NR4A1: variants seen among roughly 807,000 people sequenced by gnomAD.
NR4A1 encodes nuclear receptor subfamily 4 group A member 1, also known as nuclear receptor subfamily 4immunitygroup A member 1.
NR4A1 carries 24 observed loss-of-function variants against 47.5 expected under a neutral mutation model. That is an observed-to-expected ratio of 0.50 (90% CI 0.37 to 0.71). The LOEUF (loss-of-function observed/expected upper bound fraction) is 0.71, where lower values mean the gene tolerates loss of function less well. Ranked by LOEUF, NR4A1 falls within the 30% of genes least tolerant of loss-of-function variation. NR4A1 has a pLI of 0.00. For synonymous variants in NR4A1, 353 were observed against 345.7 expected, an observed-to-expected ratio of 1.02 and a Z score of -0.24; for missense variants, 669 against 788.6, an observed-to-expected ratio of 0.85 and a Z score of 1.82.
At chr12:52,044,787 G>A (rs542961801) in intron 2 of NR4A1, among the ~76,000 whole-genome samples, 15 of 152,284 alleles carry the variant, frequency 9.9e-5, no homozygotes, top group African/African-American at 2.6e-4. Context: ...CCTCCAAGGC[G>A]AGAGGAGAAG....
At chr12:52,051,880 G>T (rs1412131590) in intron 1 of NR4A1, among the ~76,000 whole-genome samples, 2 of 152,132 alleles carry the variant, frequency 1.3e-5, no homozygotes, top group East Asian at 3.9e-4. Context: ...GGCGCACGGT[G>T]CTCTGAACTT....
upstream of NR4A1, among the ~76,000 whole-genome samples, chr12:52,050,476 T>A (rs1592298012): frequency 6.6e-6 from 1 of 152,338 alleles, no homozygotes; most frequent in East Asian, 1.9e-4. Context: ...TGTTTGTTTA[T>A]AAAATGAGGA....
At chr12:52,037,066 G>A (rs1288541829) in intron 1 of NR4A1, 1 of 151,548 alleles carries the variant, frequency 6.6e-6, no homozygotes, top group Non-Finnish European at 1.5e-5. Flanking sequence ...TGATGAGGCT[G>A]CGTCGGCCGC....
intron 1 of NR4A1, among the ~76,000 whole-genome samples, chr12:52,039,228 G>C (rs1938350433): frequency 6.6e-6 from 1 of 152,202 alleles, no homozygotes; most frequent in African/African-American, 2.4e-5. Flanking sequence ...ACAAATATTA[G>C]CTGCTGTTGT....
In NR4A1 at chr12:52,041,930, G is replaced by T; in HGVS notation, c.37+1G>T. The T allele has an allele frequency of 6.9e-7, 1 of 1,441,100 alleles. No individual in the cohort carries two copies. The highest frequency in any genetic ancestry group is 9.1e-7 in the Non-Finnish European group (1 of 1,096,848). The allele number at this position is 1,441,100 out of a possible 1,614,324, so 89.3% of individuals were successfully genotyped here. On this transcript the variant is annotated splice_donor_variant, in intron 2 of 7. Transcript: ENST00000360284. LOFTEE classifies it high-confidence loss of function. The stretch of plus-strand genomic sequence containing the variant: ...AAGGCCTGTTGGTCCATCCAGAGTG[G>T]TAAGTGCTCTGCTATTGTCCTTTGT...
At chr12:52,043,562 C>T (rs1020701929) in intron 2 of NR4A1, 10 of 533,236 alleles carry the variant, frequency 1.9e-5, no homozygotes, top group South Asian at 1.0e-4. Context: ...GGGTCACGCT[C>T]ATGCTGGGGC....
At chr12:52,040,634 T>TA (rs1938398842) in intron 1 of NR4A1, among the ~76,000 whole-genome samples, 1 of 152,160 alleles carries the variant, frequency 6.6e-6, no homozygotes. Context: ...CTTCCCATCA[T>TA]ACCCACAGGA....
Position 52,059,024 on chromosome 12 carries a change from A to ACC in NR4A1, c.*84_*85dup. 1 of 1,497,182 alleles carries ACC rather than the reference A, an allele frequency of 6.7e-7. No homozygotes were observed. The highest frequency in any genetic ancestry group is 2.4e-5 in the East Asian group (1 of 42,382). The allele number at this position is 1,497,182 out of a possible 1,614,324, so 92.7% of individuals were successfully genotyped here. ...CCTTTAGTCCACGGACCCCCAGAGCACCCCCAAGCCTGGGCTTGAGCTGCA... is the reference window on the plus strand; with the variant it reads ...CCTTTAGTCCACGGACCCCCAGAGCACCCCCCCAAGCCTGGGCTTGAGCTGCA... On this transcript the variant is annotated 3_prime_UTR_variant, in exon 7 of 7. Transcript: ENST00000394825.
At chr12:52,051,600 T>A (rs887264641) in intron 1 of NR4A1, 32 bp downstream of exon 1, 61 of 985,322 alleles carry the variant, frequency 6.2e-5, no homozygotes, top group Non-Finnish European at 7.2e-5. Context: ...TGCATCTGTT[T>A]TTAGGAGCGG....
At chr12:52,040,557 G>C (rs746382551) in intron 1 of NR4A1, among the ~76,000 whole-genome samples, 1 of 152,162 alleles carries the variant, frequency 6.6e-6, no homozygotes, top group Non-Finnish European at 1.5e-5. Flanking sequence ...TCTGTTTGGG[G>C]TTAAAGGTGC....
intron 1 of NR4A1, among the ~76,000 whole-genome samples, chr12:52,040,535 C>T (rs1284097974): frequency 6.6e-6 from 1 of 152,074 alleles, no homozygotes; most frequent in Admixed American, 6.5e-5. Context: ...GGTTGGAAAC[C>T]TTGTCTTGCT....
intron 2 of NR4A1, 198 bp downstream of exon 2, chr12:52,055,402 C>T: frequency 1.5e-6 from 1 of 673,802 alleles, no homozygotes; most frequent in Non-Finnish European, 2.5e-6. Flanking sequence ...TGCCGGGACA[C>T]TCGGGCCCAT....
At chr12:52,027,802 C>T (rs1938029150) in intron 1 of NR4A1, among the ~76,000 whole-genome samples, 1 of 152,178 alleles carries the variant, frequency 6.6e-6, no homozygotes, top group African/African-American at 2.4e-5. Context: ...GCCACACACC[C>T]CTCCAGGGAC....
chr12:52,054,987 A>G lies in NR4A1; in HGVS notation c.659A>G (p.Glu220Gly). The change falls in exon 2 of 7, where the codon GAG becomes GGG. Residue 220 changes from glutamate (E) to glycine (G), a missense_variant. By Grantham distance (98) the Glu-to-Gly change is moderately conservative. Coordinates refer to ENST00000394825, the MANE Select transcript of NR4A1 (RefSeq NM_173157.3). ...TCACAGGCCACCCACCAGCTGGGGG[A>G]GGGAGAGAGCTATTCCATGCCTACG... is the stretch of plus-strand genomic sequence containing the variant. Reference protein sequence around the residue: ...FPSQATHQLGEGESYSMPTAF... With the variant: ...FPSQATHQLGGGESYSMPTAF... 1 of 1,613,946 alleles carries G rather than the reference A, an allele frequency of 6.2e-7. No individual in the cohort carries two copies. The highest frequency in any genetic ancestry group is 8.5e-7 in the Non-Finnish European group (1 of 1,179,970).
rs781220383 is a variant in NR4A1, at chr12:52,054,981, T to G, written c.653T>G (p.Leu218Arg). 8.1e-6 allele frequency: 13 copies of G among 1,614,112 alleles called. No homozygotes were observed. The highest frequency in any genetic ancestry group is 5.0e-5 in the Admixed American group (3 of 60,016). The change falls in exon 2 of 7, where the codon CTG becomes CGG. Residue 218 changes from leucine (L) to arginine (R), a missense_variant. Leu to Arg is a moderately radical substitution (Grantham distance 102). Coordinates refer to ENST00000394825, the MANE Select transcript of NR4A1 (RefSeq NM_173157.3). ...KLFPSQATHQ[L>R]GEGESYSMPT... is the part of the protein sequence containing the mutation. ...TTCCCCTCACAGGCCACCCACCAGC[T>G]GGGGGAGGGAGAGAGCTATTCCATG...
At chr12:52,048,074 A>G (rs1938734005), upstream of NR4A1, among the ~76,000 whole-genome samples, 1 of 151,716 alleles carries the variant, frequency 6.6e-6, no homozygotes, top group South Asian at 2.1e-4. Flanking sequence ...GAATGGCATG[A>G]ACCTGGGAGG....
chr12:52,034,846 C>G (rs1198029471), intron 1 of NR4A1, among the ~76,000 whole-genome samples: 1 of 152,198 alleles, frequency 6.6e-6, no homozygotes, highest in Non-Finnish European at 1.5e-5. Context: ...GACAAGGTCC[C>G]AAGTCCTCCA....
At chr12:52,038,402 C>G in intron 1 of NR4A1, 1 of 286,022 alleles carries the variant, frequency 3.5e-6, no homozygotes, top group Non-Finnish European at 6.8e-6. Flanking sequence ...TGATAGATGA[C>G]CTGGGGATGG....
At chr12:52,054,298 T>G in intron 1 of NR4A1, 29 bp from the exon 2 acceptor site, 1 of 1,564,966 alleles carries the variant, frequency 6.4e-7, no homozygotes, top group East Asian at 2.3e-5. Context: ...GACTCTCCTT[T>G]CCCTCCCTGG....
Sources: gnomAD v4.1 joint callset for allele counts (sites outside exome capture counted in the v4.1 genomes callset) on GRCh38, gnomAD v4.1.1 for gene constraint, MANE v1.5 for transcripts, NCBI Gene and HGNC (gene_info 2026-07-23, HGNC 2026-07-21) for gene names.